The following MYH16 variants were observed in gnomAD, a reference collection of about 807,000 sequenced individuals.
The protein encoded by MYH16 is myosin heavy chain 16.
In MYH16 at chr7:99,277,521, G is replaced by T. The variant is rs2150818696; in HGVS notation, n.2486-18G>T. On this transcript the variant is annotated intron_variant and non_coding_transcript_variant, in intron 20 of 41. Coordinates refer to ENST00000439784, the Ensembl canonical transcript of MYH16. ...AACCCCATTCTCCTAACACTCTTTGGTGTTGCTCATTGCCCAGGTCAAGCC... is the reference window on the plus strand; with the variant it reads ...AACCCCATTCTCCTAACACTCTTTGTTGTTGCTCATTGCCCAGGTCAAGCC... 2.2e-6 allele frequency: 1 copy of T among 455,636 alleles called. No individual in the cohort carries two copies. The highest frequency in any genetic ancestry group is 6.9e-5 in the East Asian group (1 of 14,392). 28.2% of individuals were successfully genotyped at this position (455,636 alleles called of 1,614,324 possible).
In MYH16 at chr7:99,279,759, G is replaced by C. The variant is rs758446596; in HGVS notation, n.2887+22G>C. 62 of 450,440 alleles carry C rather than the reference G, an allele frequency of 1.4e-4. 1 individual carries two copies. The highest frequency in any genetic ancestry group is 9.7e-4 in the South Asian group (62 of 64,154). 27.9% of individuals were successfully genotyped at this position (450,440 alleles called of 1,614,324 possible). A position where few individuals can be genotyped will look rare whatever the true frequency, so the allele number is the denominator to read the frequency against. On this transcript the variant is annotated intron_variant and non_coding_transcript_variant, in intron 22 of 41. Coordinates refer to ENST00000439784, the Ensembl canonical transcript of MYH16. The stretch of plus-strand genomic sequence containing the variant: ...GCAGGTGAGGAGAGGCCGGGGCCCT[G>C]CCACGCTTTTCTCAGGCCACCTTCA...
At chr7:99,276,037 TTTG>T (rs779649899) in intron 20 of MYH16, among the ~76,000 whole-genome samples, 42 of 152,178 alleles carry the variant, frequency 2.8e-4, no homozygotes, top group Non-Finnish European at 3.7e-4. Flanking sequence ...CTTTTTAGTT[TTTG>T]TTGTTGTTGT....
chr7:99,246,752 C>G (rs577783477), intron 2 of MYH16, among the ~76,000 whole-genome samples: 1 of 151,472 alleles, frequency 6.6e-6, no homozygotes, highest in Non-Finnish European at 1.5e-5. Flanking sequence ...AAGAAACTAG[C>G]CCAGCATTTA....
intron 34 of MYH16, 99 bp from the exon 16 acceptor site, chr7:99,297,561 T>C: frequency 2.6e-6 from 1 of 381,792 alleles, no homozygotes; most frequent in South Asian, 2.0e-5. Flanking sequence ...ATCCTGGCAC[T>C]TTGGGAGGCC....
chr7:99,248,227 A>G (rs955490262), intron 3 of MYH16, among the ~76,000 whole-genome samples: 2 of 151,982 alleles, frequency 1.3e-5, no homozygotes, highest in Non-Finnish European at 2.9e-5. Flanking sequence ...TCAGCCTCCC[A>G]AGTAGCTGGG....
chr7:99,293,298 G>C (rs1236887339), intron 32 of MYH16, among the ~76,000 whole-genome samples: 1 of 152,168 alleles, frequency 6.6e-6, no homozygotes, highest in East Asian at 1.9e-4. Context: ...CTGCTGGCTG[G>C]TCCCATCCAT....
At chr7:99,300,932 C>T (rs374612980) in intron 37 of MYH16, among the ~76,000 whole-genome samples, 2 of 152,038 alleles carry the variant, frequency 1.3e-5, no homozygotes, top group East Asian at 3.9e-4. Context: ...CAGTAGCTCA[C>T]GCCTGTAATC....
At chr7:99,297,913 C>T (rs753664663) in exon 36 of MYH16, 6 of 456,488 alleles carry the variant, frequency 1.3e-5, no homozygotes, top group Non-Finnish European at 2.6e-5. Flanking sequence ...CAAGGTGATT[C>T]GAATTCAGTT....
intron 1 of MYH16, among the ~76,000 whole-genome samples, chr7:99,242,193 G>A (rs1791674909): frequency 6.6e-6 from 1 of 152,186 alleles, no homozygotes. Context: ...AAATTGGGGT[G>A]CAGCATGGGG....
At chr7:99,289,900 G>A (rs977536231) in intron 30 of MYH16, among the ~76,000 whole-genome samples, 10 of 152,032 alleles carry the variant, frequency 6.6e-5, no homozygotes, top group African/African-American at 1.4e-4. Context: ...GTGACCTCTG[G>A]GTTTAGTTTA....
chr7:99,281,519 G>A (rs745879783), intron 23 of MYH16, among the ~76,000 whole-genome samples: 45 of 152,148 alleles, frequency 3.0e-4, no homozygotes, highest in Non-Finnish European at 4.4e-4. Flanking sequence ...CCAAGATTGC[G>A]CCATTGCACT....
At chr7:99,241,561 T>A (rs751740590) in intron 1 of MYH16, among the ~76,000 whole-genome samples, 1 of 152,090 alleles carries the variant, frequency 6.6e-6, no homozygotes, top group Non-Finnish European at 1.5e-5. Flanking sequence ...CCAGCATGAG[T>A]GACAGAGTGA....
intron 38 of MYH16, among the ~76,000 whole-genome samples, chr7:99,302,317 TACACACACACACACACACACACACAC>T (rs201230482): frequency 8.4e-5 from 8 of 95,562 alleles, no homozygotes; most frequent in Non-Finnish European, 1.6e-4. Context: ...AAAAAATATA[TACACACACACACACACACACACACAC>T]ACACACACAC....
intron 8 of MYH16, among the ~76,000 whole-genome samples, chr7:99,255,321 G>A (rs907504930): frequency 6.6e-6 from 1 of 151,798 alleles, no homozygotes; most frequent in Non-Finnish European, 1.5e-5. Context: ...GTGTGGTGGT[G>A]CCTGTGGTCT....
At position 99,256,859 on chromosome 7, in the gene MYH16, G is replaced by C. The variant is rs149557630; in HGVS notation, n.997-443G>C. On this transcript the variant is annotated intron_variant and non_coding_transcript_variant, in intron 9 of 41. Coordinates refer to ENST00000439784, the Ensembl canonical transcript of MYH16. The stretch of plus-strand genomic sequence containing the variant: ...CCAGGTACCTGGGAGGCTAAAGTGG[G>C]AGGATCACTTGAGCCCAGGAGTTCT... 8.5e-3 allele frequency among the ~76,000 whole-genome samples: 1,295 copies of C among 152,096 alleles called. 13 individuals carry two copies. Among genetic ancestry groups the C allele is most frequent in the African/African-American group, 0.03 (1,250 of 41,496 alleles).
chr7:99,280,392 G>A (rs1396550639), intron 22 of MYH16, among the ~76,000 whole-genome samples: 2 of 152,234 alleles, frequency 1.3e-5, no homozygotes, highest in Non-Finnish European at 2.9e-5. Context: ...ACCTTCAGCT[G>A]TTGAATTTCT....
intron 37 of MYH16, among the ~76,000 whole-genome samples, chr7:99,300,821 C>T (rs1483823368): frequency 2.6e-5 from 4 of 151,914 alleles, no homozygotes; most frequent in Non-Finnish European, 4.4e-5. Context: ...ACAGAGTGGA[C>T]AAAACAGACA....
intron 1 of MYH16, among the ~76,000 whole-genome samples, chr7:99,242,017 C>T (rs1468218338): frequency 3.3e-5 from 5 of 152,120 alleles, no homozygotes; most frequent in East Asian, 3.9e-4. Flanking sequence ...TGCGCTACCA[C>T]GCCCAGCTAA....
intron 27 of MYH16, among the ~76,000 whole-genome samples, chr7:99,286,219 C>A (rs979456570): frequency 6.6e-6 from 1 of 152,160 alleles, no homozygotes; most frequent in African/African-American, 2.4e-5. Context: ...GACCGGGAGA[C>A]CAGCTTGGGC....
Sources: allele counts gnomAD v4.1 joint callset (sites outside exome capture counted in the v4.1 genomes callset), GRCh38; gene constraint gnomAD v4.1.1; transcripts MANE v1.5; gene names NCBI Gene and HGNC (gene_info 2026-07-23, HGNC 2026-07-21).